UNC5D: variants seen among roughly 807,000 people sequenced by gnomAD.
The protein encoded by UNC5D is netrin receptor UNC5D.
A neutral mutation model predicts 105.4 loss-of-function variants in UNC5D; 39 were observed. That is an observed-to-expected ratio of 0.37 (90% confidence interval 0.29 to 0.48). The LOEUF is 0.48. Among genes scored for constraint, UNC5D ranks in the 20% least tolerant of loss-of-function variants. UNC5D has a pLI of 0.98. For synonymous variants in UNC5D, 452 were observed against 450.4 expected (o/e 1.00, Z -0.04); for missense variants, 991 against 1,202.4 (o/e 0.82, Z 2.60).
At chr8:35,608,596 C>G (rs953851263) in intron 4 of UNC5D, among the ~76,000 whole-genome samples, 2 of 152,104 alleles carry the variant, frequency 1.3e-5, no homozygotes, top group African/African-American at 4.8e-5. Context: ...CACTCTATGT[C>G]CCCCTCACCC....
intron 1 of UNC5D, among the ~76,000 whole-genome samples, chr8:35,263,059 C>G (rs554724994): frequency 6.6e-6 from 1 of 152,310 alleles, no homozygotes; most frequent in African/African-American, 2.4e-5. Flanking sequence ...GTACTTTATA[C>G]TCCAACCACA....
chr8:35,658,237 A>G lies in UNC5D; in HGVS notation c.571-25310A>G, dbSNP rs561632530. On this transcript the variant is annotated intron_variant, in intron 4 of 16. Coordinates refer to ENST00000404895, the MANE Select transcript of UNC5D (RefSeq NM_080872.4). ...TCTGTGTAAGAAATTATTTGTTTACAATCTTTTAAAATCTTAAGTGGAAGT... is the reference window on the plus strand; with the variant it reads ...TCTGTGTAAGAAATTATTTGTTTACGATCTTTTAAAATCTTAAGTGGAAGT... Among the ~76,000 whole-genome samples the G allele has an allele frequency of 4.0e-4, 61 of 152,354 alleles. 1 individual carries two copies. The highest frequency in any genetic ancestry group is 2.2e-3 in the Admixed American group (34 of 15,304).
chr8:35,451,364 A>G (rs1039325313), intron 1 of UNC5D, among the ~76,000 whole-genome samples: 2 of 152,136 alleles, frequency 1.3e-5, no homozygotes, highest in African/African-American at 4.8e-5. Flanking sequence ...ACCTTTTATA[A>G]GAGTTGACTG....
intron 1 of UNC5D, among the ~76,000 whole-genome samples, chr8:35,382,045 C>T (rs1030778001): frequency 2.6e-5 from 4 of 152,168 alleles, no homozygotes; most frequent in African/African-American, 9.7e-5. Flanking sequence ...ACACATTTGC[C>T]TTTTGGGATT....
intron 3 of UNC5D, among the ~76,000 whole-genome samples, chr8:35,578,158 C>T (rs1435484250): frequency 1.4e-5 from 2 of 140,664 alleles, no homozygotes; most frequent in African/African-American, 5.4e-5. Context: ...CCAGGAGGCT[C>T]AGGTTGCAGT....
At chr8:35,749,219 A>G (rs1239738307) in intron 12 of UNC5D, among the ~76,000 whole-genome samples, 2 of 152,178 alleles carry the variant, frequency 1.3e-5, no homozygotes, top group Non-Finnish European at 2.9e-5. Flanking sequence ...TCCTGTGTGT[A>G]TGAGTGCAAA....
At chr8:35,507,359 C>T (rs1023077892) in intron 1 of UNC5D, among the ~76,000 whole-genome samples, 2 of 152,114 alleles carry the variant, frequency 1.3e-5, no homozygotes, top group African/African-American at 4.8e-5. Context: ...CGGCCCAGGG[C>T]TTTTCTTATC....
chr8:35,668,239 C>A (rs937390681), intron 4 of UNC5D, among the ~76,000 whole-genome samples: 1 of 151,956 alleles, frequency 6.6e-6, no homozygotes, highest in African/African-American at 2.4e-5. Flanking sequence ...GTACTTAGAT[C>A]ATCTTTCTGT....
chr8:35,438,564 T>A (rs1270219325), intron 1 of UNC5D, among the ~76,000 whole-genome samples: 1 of 152,026 alleles, frequency 6.6e-6, no homozygotes, highest in Admixed American at 6.6e-5. Flanking sequence ...ATGCTCACAT[T>A]CACTATCAAG....
intron 15 of UNC5D, among the ~76,000 whole-genome samples, chr8:35,768,225 G>A (rs936722101): frequency 6.6e-5 from 10 of 151,922 alleles, no homozygotes; most frequent in Non-Finnish European, 1.2e-4. Flanking sequence ...TCTGAAGAGC[G>A]GATGGCTTTC....
chr8:35,684,358 G>T (rs1404575258), intron 5 of UNC5D, among the ~76,000 whole-genome samples: 1 of 152,054 alleles, frequency 6.6e-6, no homozygotes, highest in African/African-American at 2.4e-5. Context: ...TAATTTCCTT[G>T]CAAGGCAAAT....
intron 2 of UNC5D, among the ~76,000 whole-genome samples, chr8:35,561,983 A>G (rs964320235): frequency 6.6e-6 from 1 of 152,142 alleles, no homozygotes; most frequent in Admixed American, 6.5e-5. Flanking sequence ...TAGTCCTTCT[A>G]CTTAACTGTA....
At chr8:35,538,395 TTATATATATA>T (rs10524805) in intron 1 of UNC5D, among the ~76,000 whole-genome samples, 272 of 82,410 alleles carry the variant, frequency 3.3e-3, no homozygotes, top group Middle Eastern at 0.021. Flanking sequence ...AAAAAAATAA[TTATATATATA>T]TATATATATA....
At chr8:35,257,814 G>A (rs2128818487) in intron 1 of UNC5D, among the ~76,000 whole-genome samples, 1 of 152,256 alleles carries the variant, frequency 6.6e-6, no homozygotes, top group Middle Eastern at 3.4e-3. Context: ...ATTTTATTAA[G>A]TTCTCAAAGG....
At chr8:35,248,395 T>A (rs191737726) in intron 1 of UNC5D, among the ~76,000 whole-genome samples, 1,078 of 28,708 alleles carry the variant, frequency 0.038, 15 homozygotes, top group African/African-American at 0.064. Flanking sequence ...ATGTTATATA[T>A]GAAATAGATA....
At chr8:35,373,836 G>T (rs1802551409) in intron 1 of UNC5D, among the ~76,000 whole-genome samples, 1 of 152,154 alleles carries the variant, frequency 6.6e-6, no homozygotes, top group South Asian at 2.1e-4. Context: ...AAATGGTGTT[G>T]ATAGACACTT....
At chr8:35,382,525 A>G (rs1294743508) in intron 1 of UNC5D, among the ~76,000 whole-genome samples, 1 of 152,168 alleles carries the variant, frequency 6.6e-6, no homozygotes, top group Non-Finnish European at 1.5e-5. Context: ...TTAAAGATGT[A>G]TTATTTATAA....
At chr8:35,667,076 G>A (rs952704644) in intron 4 of UNC5D, among the ~76,000 whole-genome samples, 1 of 151,974 alleles carries the variant, frequency 6.6e-6, no homozygotes, top group Non-Finnish European at 1.5e-5. Flanking sequence ...ATATAGGAGA[G>A]TTTGTTTACT....
At chr8:35,730,958 C>T in intron 10 of UNC5D, 54 bp from the exon 11 acceptor site, 1 of 1,564,770 alleles carries the variant, frequency 6.4e-7, no homozygotes, top group Non-Finnish European at 8.8e-7. Context: ...GAGTGACAAA[C>T]TTCATGATAA....
Sources: gnomAD v4.1 joint callset for allele counts (sites outside exome capture counted in the v4.1 genomes callset) on GRCh38, gnomAD v4.1.1 for gene constraint, MANE v1.5 for transcripts, NCBI Gene and HGNC (gene_info 2026-07-23, HGNC 2026-07-21) for gene names.